Variants in TNR observed in about 807,000 individuals in gnomAD.
TNR encodes tenascin-R.
In TNR, 45 loss-of-function variants were observed where a neutral mutation model predicts 150.4. The observed-to-expected ratio is 0.30, with a 90% confidence interval of 0.24 to 0.38. The LOEUF (loss-of-function observed/expected upper bound fraction) is 0.38. Among genes scored for constraint, TNR ranks in the 10% least tolerant of loss-of-function variants. The pLI is 1.00. For synonymous variants in TNR, 687 were observed against 678.4 expected (o/e 1.01, Z -0.20); for missense variants, 1,544 against 1,759.1 (o/e 0.88, Z 2.19).
At chr1:175,518,654 A>T (rs1018593827) in intron 2 of TNR, among the ~76,000 whole-genome samples, 1 of 152,052 alleles carries the variant, frequency 6.6e-6, no homozygotes, top group African/African-American at 2.4e-5. Flanking sequence ...CATTAAGATG[A>T]TCATCTTTTT....
intron 1 of TNR, among the ~76,000 whole-genome samples, chr1:175,683,353 T>C (rs1440143033): frequency 6.6e-6 from 1 of 152,228 alleles, no homozygotes; most frequent in Non-Finnish European, 1.5e-5. Flanking sequence ...GGTAACATGT[T>C]ACCAGTACTG....
chr1:175,340,960 G>A (rs1014082835), intron 18 of TNR, among the ~76,000 whole-genome samples: 3 of 152,200 alleles, frequency 2.0e-5, no homozygotes, highest in Non-Finnish European at 4.4e-5. Context: ...GATTGAGTGC[G>A]ATAGGAAGGA....
rs554798546 is a variant in TNR at position 175,395,938 on chromosome 1, G to C, written c.1240+606C>G. On this transcript the variant is annotated intron_variant, in intron 5 of 22. Coordinates refer to ENST00000367674, the MANE Select transcript of TNR (RefSeq NM_003285.3). ...TGGAGAGCAGTTTAGATTGCTTTCT[G>C]TCTCCATCTCTCTCTTTCTTCCCTG... 2.6e-5 allele frequency among the ~76,000 whole-genome samples: 4 copies of C among 152,230 alleles called. No individual in the cohort carries two copies. In the East Asian group the frequency reaches 5.8e-4, roughly 22 times the overall value.
chr1:175,476,394 T>C (rs1360515886), intron 2 of TNR, among the ~76,000 whole-genome samples: 1 of 152,200 alleles, frequency 6.6e-6, no homozygotes, highest in African/African-American at 2.4e-5. Flanking sequence ...ACTTCCATTT[T>C]GCTTTTGGGA....
At chr1:175,632,646 T>C (rs1187540066) in intron 1 of TNR, among the ~76,000 whole-genome samples, 1 of 152,194 alleles carries the variant, frequency 6.6e-6, no homozygotes, top group Admixed American at 6.5e-5. Context: ...CAAAATAACA[T>C]TAATATCAAC....
At chr1:175,438,757 G>A (rs1252031001) in intron 2 of TNR, among the ~76,000 whole-genome samples, 1 of 152,156 alleles carries the variant, frequency 6.6e-6, no homozygotes, top group African/African-American at 2.4e-5. Context: ...CAAATCATGA[G>A]TGAACTCCCA....
At chr1:175,581,801 T>C (rs577272331) in intron 1 of TNR, among the ~76,000 whole-genome samples, 45 of 152,262 alleles carry the variant, frequency 3.0e-4, no homozygotes, top group Non-Finnish European at 5.1e-4. Flanking sequence ...AAGATAAGGC[T>C]AGAAACTCAG....
intron 2 of TNR, among the ~76,000 whole-genome samples, chr1:175,507,402 C>G (rs1659001568): frequency 6.6e-6 from 1 of 152,176 alleles, no homozygotes; most frequent in South Asian, 2.1e-4. Context: ...AGAACCACAG[C>G]TAATGATAAC....
At chr1:175,690,832 T>C (rs1454645479) in intron 1 of TNR, among the ~76,000 whole-genome samples, 1 of 151,966 alleles carries the variant, frequency 6.6e-6, no homozygotes, top group East Asian at 1.9e-4. Context: ...TGGGAGTCAT[T>C]GAAGGAGGAG....
chr1:175,724,481 C>T (rs1270720582), intron 1 of TNR, among the ~76,000 whole-genome samples: 1 of 152,092 alleles, frequency 6.6e-6, no homozygotes, highest in Non-Finnish European at 1.5e-5. Flanking sequence ...CCAATCACCT[C>T]CCACTAGGCC....
chr1:175,549,660 G>A (rs1660858024), intron 1 of TNR, among the ~76,000 whole-genome samples: 1 of 152,200 alleles, frequency 6.6e-6, no homozygotes, highest in African/African-American at 2.4e-5. Flanking sequence ...AGAGAGGGAA[G>A]CATGAAAGAA....
At chr1:175,369,758 C>A (rs1652010949) in intron 9 of TNR, among the ~76,000 whole-genome samples, 1 of 152,190 alleles carries the variant, frequency 6.6e-6, no homozygotes. Flanking sequence ...GCTGTGATTT[C>A]TCTGGAATCC....
intron 1 of TNR, among the ~76,000 whole-genome samples, chr1:175,542,221 C>A (rs1660528806): frequency 6.6e-6 from 1 of 152,170 alleles, no homozygotes; most frequent in African/African-American, 2.4e-5. Context: ...TGCAGGCCCT[C>A]CCTCTCTCAG....
chr1:175,479,868 T>A (rs903548783), intron 2 of TNR, among the ~76,000 whole-genome samples: 1 of 152,054 alleles, frequency 6.6e-6, no homozygotes, highest in African/African-American at 2.4e-5. Context: ...GCATGCTAAT[T>A]TTGGAAAATG....
At chr1:175,510,449 A>G (rs1659124342) in intron 2 of TNR, among the ~76,000 whole-genome samples, 1 of 151,970 alleles carries the variant, frequency 6.6e-6, no homozygotes, top group African/African-American at 2.4e-5. Flanking sequence ...TCAGTTTACA[A>G]CCTCTATCCC....
Position 175,574,539 on chromosome 1 carries a change from T to C in TNR, c.-164-46170A>G, listed in dbSNP as rs576227577. ...TAGTGGGAGATATGCAGCGATAAGATATGGCGCTATCTTCTACCTTCTTCC... is the reference window on the plus strand; with the variant it reads ...TAGTGGGAGATATGCAGCGATAAGACATGGCGCTATCTTCTACCTTCTTCC... On this transcript the variant is annotated intron_variant, in intron 1 of 22. Transcript: ENST00000367674. 5.3e-5 allele frequency among the ~76,000 whole-genome samples: 8 copies of C among 152,272 alleles called. No individual in the cohort carries two copies. The South Asian group carries it at 1.7e-3, about 32-fold the overall frequency.
chr1:175,425,637 C>T (rs1300209261), intron 2 of TNR, among the ~76,000 whole-genome samples: 1 of 152,194 alleles, frequency 6.6e-6, no homozygotes, highest in Non-Finnish European at 1.5e-5. Context: ...TAATTGACCA[C>T]CACTGAGCAG....
chr1:175,582,007 G>A (rs1408288323), intron 1 of TNR, among the ~76,000 whole-genome samples: 1 of 152,074 alleles, frequency 6.6e-6, no homozygotes, highest in African/African-American at 2.4e-5. Context: ...TTCATCAAAA[G>A]GATGCTTCAA....
intron 20 of TNR, 27 bp downstream of exon 20, chr1:175,335,684 C>T (rs781602131): frequency 1.9e-6 from 3 of 1,597,936 alleles, no homozygotes; most frequent in Non-Finnish European, 2.6e-6. Context: ...AGAAGCACAT[C>T]AATGGAAAGC....
Sources: gnomAD v4.1 joint callset for allele counts (sites outside exome capture counted in the v4.1 genomes callset) on GRCh38, gnomAD v4.1.1 for gene constraint, MANE v1.5 for transcripts, NCBI Gene and HGNC (gene_info 2026-07-23, HGNC 2026-07-21) for gene names.